The following TACC1 variants were observed in gnomAD, a reference collection of about 807,000 sequenced individuals.
TACC1 encodes the protein transforming acidic coiled-coil containing protein 1.
TACC1 carries 48 observed loss-of-function variants against 84.4 expected under a neutral mutation model. The observed-to-expected ratio is 0.57, with a 90% CI of 0.45 to 0.72. The LOEUF is 0.72. Among genes scored for constraint, TACC1 ranks in the 30% least tolerant of loss-of-function variants. The pLI is 0.00. For synonymous variants in TACC1, 372 were observed against 376.3 expected (o/e 0.99, Z 0.13); for missense variants, 920 against 973.0 (o/e 0.95, Z 0.72).
chr8:38,791,404 G>A (rs1407405451), intron 2 of TACC1, among the ~76,000 whole-genome samples: 1 of 152,220 alleles, frequency 6.6e-6, no homozygotes, highest in Non-Finnish European at 1.5e-5. Context: ...TCAGTTTAGG[G>A]TCTTTAAACA....
At chr8:38,845,351 T>C (rs1319250692) in intron 11 of TACC1, among the ~76,000 whole-genome samples, 1 of 152,268 alleles carries the variant, frequency 6.6e-6, no homozygotes, top group Admixed American at 6.5e-5. Context: ...AGATTTCTTA[T>C]GCATTCTTCT....
At chr8:38,804,112 G>C (rs973833640) in intron 2 of TACC1, among the ~76,000 whole-genome samples, 1 of 152,236 alleles carries the variant, frequency 6.6e-6, no homozygotes, top group East Asian at 1.9e-4. Flanking sequence ...TTTACACAGG[G>C]TTGATTTGAG....
At chr8:38,833,297 A>G (rs562619873) in intron 6 of TACC1, among the ~76,000 whole-genome samples, 15 of 152,382 alleles carry the variant, frequency 9.8e-5, no homozygotes, top group African/African-American at 3.4e-4. Flanking sequence ...AACAGAAACT[A>G]AGAACCCATG....
chr8:38,795,585 G>A (rs1819780606), intron 2 of TACC1, among the ~76,000 whole-genome samples: 1 of 152,148 alleles, frequency 6.6e-6, no homozygotes, highest in Non-Finnish European at 1.5e-5. Context: ...GTCTTTTTCA[G>A]GTTACCAGTT....
Position 38,801,012 on chromosome 8 carries a change from G to A in TACC1, c.277+12193G>A, listed in dbSNP as rs144640163. On this transcript the variant is annotated intron_variant, in intron 2 of 12. Coordinates refer to ENST00000317827, the MANE Select transcript of TACC1 (RefSeq NM_006283.3). The stretch of plus-strand genomic sequence containing the variant: ...TTTCCCTAATGGCTGATGATATTGA[G>A]CAACTTTTCATGTAGCTATTGGGTA... 1.2e-3 allele frequency among the ~76,000 whole-genome samples: 180 copies of A among 152,270 alleles called. 2 individuals are homozygous for A. In the East Asian group the frequency reaches 0.034, roughly 28 times the overall value.
In TACC1 at chr8:38,842,283, C is replaced by T; in HGVS notation, c.1961-4C>T. The T allele has an allele frequency of 6.2e-7, 1 of 1,604,670 alleles. No homozygotes were observed. Among genetic ancestry groups the T allele is most frequent in the Non-Finnish European group, 8.5e-7 (1 of 1,177,510 alleles). Reference sequence around the variant, plus strand: ...TGTCATTCCTTTTGACTTGTGATTCCCAGAAGATGAACAAAGGACAAGTAT... The same window carrying T: ...TGTCATTCCTTTTGACTTGTGATTCTCAGAAGATGAACAAAGGACAAGTAT... On this transcript the variant is annotated splice_region_variant and splice_polypyrimidine_tract_variant and intron_variant, in intron 9 of 12. Transcript: ENST00000317827.
At chr8:38,810,746 T>C (rs1823895227) in intron 2 of TACC1, among the ~76,000 whole-genome samples, 1 of 152,244 alleles carries the variant, frequency 6.6e-6, no homozygotes, top group Admixed American at 6.5e-5. Context: ...TCCATGGCTC[T>C]GGTGATGTCA....
intron 8 of TACC1, among the ~76,000 whole-genome samples, chr8:38,839,063 AT>A (rs976103518): frequency 6.6e-6 from 1 of 151,582 alleles, no homozygotes; most frequent in African/African-American, 2.4e-5. Context: ...TGCCTGCATA[AT>A]TTTTTTTAGA....
At chr8:38,771,754 G>A (rs1408330164) in intron 3 of TACC1, among the ~76,000 whole-genome samples, 2 of 152,124 alleles carry the variant, frequency 1.3e-5, no homozygotes, top group African/African-American at 4.8e-5. Context: ...ATTTATGTTT[G>A]AGACAGGGCC....
chr8:38,787,202 G>A, upstream of TACC1: 7 of 989,792 alleles, frequency 7.1e-6, no homozygotes, highest in Non-Finnish European at 8.4e-6. Context: ...GGCTCCGGCG[G>A]CAGCTGATGC....
At chr8:38,827,143 G>A (rs747643044) in intron 4 of TACC1, 25 bp from the exon 5 acceptor site, 1 of 1,604,874 alleles carries the variant, frequency 6.2e-7, no homozygotes, top group East Asian at 2.2e-5. Context: ...CTAAAGGGTA[G>A]CATCTTCTCT....
intron 2 of TACC1, among the ~76,000 whole-genome samples, chr8:38,796,794 G>A (rs1820101182): frequency 6.6e-6 from 1 of 152,210 alleles, no homozygotes; most frequent in African/African-American, 2.4e-5. Context: ...GGCTGCCAGG[G>A]GCTCTGCGCC....
chr8:38,748,969 GA>G (rs993711467), intron 3 of TACC1, among the ~76,000 whole-genome samples: 8 of 149,854 alleles, frequency 5.3e-5, no homozygotes, highest in African/African-American at 1.2e-4. Flanking sequence ...ATTAGAGAAC[GA>G]AAAAAAGAGA....
At chr8:38,808,987 G>T (rs1823415050) in intron 2 of TACC1, among the ~76,000 whole-genome samples, 1 of 151,884 alleles carries the variant, frequency 6.6e-6, no homozygotes. Flanking sequence ...TTGGTATAGG[G>T]CTGGGCAAGT....
At chr8:38,815,591 G>A (rs1396044026) in intron 2 of TACC1, among the ~76,000 whole-genome samples, 55 of 151,962 alleles carry the variant, frequency 3.6e-4, no homozygotes, top group Admixed American at 3.5e-3. Context: ...AGCTAATTTT[G>A]TATTTTTAGT....
upstream of TACC1, among the ~76,000 whole-genome samples, chr8:38,785,285 T>C (rs1816916732): frequency 6.6e-6 from 1 of 152,186 alleles, no homozygotes; most frequent in African/African-American, 2.4e-5. Flanking sequence ...GGACACTTAG[T>C]GAACACACAG....
upstream of TACC1, chr8:38,787,212 C>A (rs1048160102): frequency 2.0e-6 from 2 of 992,916 alleles, no homozygotes; most frequent in Admixed American, 6.1e-5. Context: ...GCAGCTGATG[C>A]GCGCCCCGCC....
rs1817614851 is a variant in TACC1 at position 38,787,753 on chromosome 8, C to G, written c.161+10C>G. 2.0e-6 allele frequency: 3 copies of G among 1,516,928 alleles called. No homozygotes were observed. The highest frequency in any genetic ancestry group is 2.3e-5 in the Admixed American group (1 of 44,058). The allele number at this position is 1,516,928 out of a possible 1,614,324, so 94.0% of individuals were successfully genotyped here. A position where few individuals can be genotyped will look rare whatever the true frequency, so the allele number is the denominator to read the frequency against. ...AATCCTTGAGTTTCAGGCAAGTACACGGCGTCCCCGCTGAGATGCAGACGC... is the reference window on the plus strand; with the variant it reads ...AATCCTTGAGTTTCAGGCAAGTACAGGGCGTCCCCGCTGAGATGCAGACGC... On this transcript the variant is annotated intron_variant, in intron 1 of 12. Transcript: ENST00000317827.
intron 5 of TACC1, among the ~76,000 whole-genome samples, chr8:38,829,374 T>C (rs1283213493): frequency 6.6e-6 from 1 of 152,284 alleles, no homozygotes; most frequent in East Asian, 1.9e-4. Context: ...CTGACATCTT[T>C]CCCAAAGATA....
Sources: gnomAD v4.1 joint callset for allele counts (sites outside exome capture counted in the v4.1 genomes callset) on GRCh38, gnomAD v4.1.1 for gene constraint, MANE v1.5 for transcripts, NCBI Gene and HGNC (gene_info 2026-07-23, HGNC 2026-07-21) for gene names.